SLC9A2: variants seen among roughly 807,000 people sequenced by gnomAD.
SLC9A2 encodes sodium/hydrogen exchanger 2.
Under a neutral mutation model 71.7 loss-of-function variants are expected in SLC9A2, and 42 were observed. The observed-to-expected ratio is 0.59, with a 90% CI of 0.46 to 0.76. The LOEUF (loss-of-function observed/expected upper bound fraction) is 0.76, where lower values mean the gene tolerates loss of function less well. SLC9A2 is among the 30% of genes least tolerant of loss of function. The probability of loss-of-function intolerance (pLI) is 0.00; values close to 1 mark genes in which losing one functional copy is unlikely to be tolerated. For missense variants in SLC9A2, 829 were observed against 1,017.4 expected (o/e 0.81, Z 2.52); for synonymous variants, 396 against 392.5 (o/e 1.01, Z -0.10).
intron 2 of SLC9A2, among the ~76,000 whole-genome samples, chr2:102,663,869 C>T (rs576510623): frequency 2.5e-4 from 38 of 152,284 alleles, no homozygotes; most frequent in African/African-American, 8.7e-4. Flanking sequence ...GCAGCCATGA[C>T]TTTCCATTTC....
At chr2:102,631,995 G>GAGATATAT (rs1379688833) in intron 1 of SLC9A2, among the ~76,000 whole-genome samples, 4 of 43,230 alleles carry the variant, frequency 9.3e-5, no homozygotes, top group African/African-American at 3.2e-4. Flanking sequence ...TGAAAGTGGG[G>GAGATATAT]ATATATATAT....
At chr2:102,706,416 G>A (rs1248978205) in intron 11 of SLC9A2, among the ~76,000 whole-genome samples, 2 of 152,084 alleles carry the variant, frequency 1.3e-5, no homozygotes, top group East Asian at 3.8e-4. Flanking sequence ...CACACGCCAG[G>A]GCCTGTTGTG....
intron 5 of SLC9A2, among the ~76,000 whole-genome samples, chr2:102,690,790 C>G (rs1677643589): frequency 6.6e-6 from 1 of 152,090 alleles, no homozygotes; most frequent in African/African-American, 2.4e-5. Context: ...GAAAGACCTT[C>G]CATAAGACAG....
intron 1 of SLC9A2, among the ~76,000 whole-genome samples, chr2:102,636,386 G>A (rs550160691): frequency 1.3e-5 from 2 of 152,314 alleles, no homozygotes; most frequent in African/African-American, 4.8e-5. Context: ...TTAAGTGTTA[G>A]CAACCACTTA....
chr2:102,699,303 G>T (rs1677827179), intron 7 of SLC9A2, among the ~76,000 whole-genome samples: 3 of 152,142 alleles, frequency 2.0e-5, no homozygotes, highest in Admixed American at 2.0e-4. Flanking sequence ...AGCACTGCTG[G>T]TAAGTCTTTA....
At chr2:102,656,360 C>T (rs1470093945) in intron 1 of SLC9A2, among the ~76,000 whole-genome samples, 2 of 152,310 alleles carry the variant, frequency 1.3e-5, no homozygotes, top group African/African-American at 2.4e-5. Flanking sequence ...CCCTTTATGG[C>T]TCTGTTTAAT....
At chr2:102,673,315 G>T (rs1250916778) in intron 3 of SLC9A2, among the ~76,000 whole-genome samples, 1 of 152,150 alleles carries the variant, frequency 6.6e-6, no homozygotes, top group Non-Finnish European at 1.5e-5. Context: ...TACTTGACTG[G>T]CTTATGAAAA....
At chr2:102,694,965 T>G in intron 6 of SLC9A2, 78 bp from the exon 7 acceptor site, 3 of 1,231,194 alleles carry the variant, frequency 2.4e-6, no homozygotes, top group Non-Finnish European at 3.5e-6. Context: ...TCTTTGGAGT[T>G]TAGAAATGAT....
At chr2:102,663,165 T>A (rs928211744) in intron 2 of SLC9A2, among the ~76,000 whole-genome samples, 1 of 152,226 alleles carries the variant, frequency 6.6e-6, no homozygotes, top group African/African-American at 2.4e-5. Flanking sequence ...TGAAGCCATT[T>A]TCTTCTCTGT....
chr2:102,622,019 T>C (rs1676149664), intron 1 of SLC9A2, among the ~76,000 whole-genome samples: 1 of 152,180 alleles, frequency 6.6e-6, no homozygotes, highest in Non-Finnish European at 1.5e-5. Flanking sequence ...AGTCTATTAG[T>C]GGTGACTAAG....
At chr2:102,706,810 C>T (rs1677988529) in intron 11 of SLC9A2, among the ~76,000 whole-genome samples, 1 of 152,148 alleles carries the variant, frequency 6.6e-6, no homozygotes, top group Admixed American at 6.5e-5. Flanking sequence ...AATATATTTT[C>T]ATGAAAGCAG....
intron 1 of SLC9A2, among the ~76,000 whole-genome samples, chr2:102,644,753 C>G (rs544045985): frequency 1.3e-5 from 2 of 152,312 alleles, no homozygotes; most frequent in African/African-American, 4.8e-5. Context: ...TTCTAGATTC[C>G]TCCTCACTAG....
At chr2:102,673,453 A>G (rs964289789) in intron 3 of SLC9A2, among the ~76,000 whole-genome samples, 1 of 152,146 alleles carries the variant, frequency 6.6e-6, no homozygotes, top group Non-Finnish European at 1.5e-5. Flanking sequence ...TTTTAGAGGT[A>G]TATTGGGAAT....
At chr2:102,679,079 G>A (rs961649782) in intron 3 of SLC9A2, among the ~76,000 whole-genome samples, 2 of 152,152 alleles carry the variant, frequency 1.3e-5, no homozygotes, top group Admixed American at 6.5e-5. Flanking sequence ...ACCAGAATGG[G>A]AACTTTAGGA....
intron 5 of SLC9A2, chr2:102,689,936 T>C (rs1321570834): frequency 6.6e-6 from 1 of 152,202 alleles, no homozygotes; most frequent in Non-Finnish European, 1.5e-5. Flanking sequence ...GGCAGTTATA[T>C]ATATATGTAT....
At chr2:102,674,869 A>C (rs897829891) in intron 3 of SLC9A2, among the ~76,000 whole-genome samples, 1 of 152,208 alleles carries the variant, frequency 6.6e-6, no homozygotes, top group Non-Finnish European at 1.5e-5. Context: ...CTAGTTGGTT[A>C]GCCATCTCCA....
intron 1 of SLC9A2, among the ~76,000 whole-genome samples, chr2:102,639,744 CT>C (rs1676537520): frequency 6.6e-6 from 1 of 151,902 alleles, no homozygotes; most frequent in South Asian, 2.1e-4. Flanking sequence ...CTCTATTCTG[CT>C]TTCTGTCTCT....
At chr2:102,661,632 G>T (rs1234673025) in intron 2 of SLC9A2, among the ~76,000 whole-genome samples, 1 of 152,044 alleles carries the variant, frequency 6.6e-6, no homozygotes, top group Non-Finnish European at 1.5e-5. Context: ...AAAGTTCAAA[G>T]TTCCTAACTC....
At chr2:102,643,827 G>A (rs1030466705) in intron 1 of SLC9A2, among the ~76,000 whole-genome samples, 1 of 151,920 alleles carries the variant, frequency 6.6e-6, no homozygotes, top group Non-Finnish European at 1.5e-5. Flanking sequence ...CTGGAGTGCA[G>A]TGATTATTCA....
Sources: gnomAD v4.1 joint callset for allele counts (sites outside exome capture counted in the v4.1 genomes callset) on GRCh38, gnomAD v4.1.1 for gene constraint, MANE v1.5 for transcripts, NCBI Gene and HGNC (gene_info 2026-07-23, HGNC 2026-07-21) for gene names.